The following SLC7A5 variants were observed in gnomAD, a reference collection of about 807,000 sequenced individuals.
SLC7A5 encodes the protein solute carrier family 7 member 5.
A neutral mutation model predicts 50.2 loss-of-function variants in SLC7A5; 23 were observed. The ratio of observed to expected loss-of-function variants is 0.46; its 90% confidence interval spans 0.33 to 0.65. The LOEUF is 0.65. Ranked by LOEUF, SLC7A5 falls within the 30% of genes least tolerant of loss-of-function variation. The pLI, the probability that SLC7A5 is intolerant of heterozygous loss-of-function variation, is 0.02. For missense variants in SLC7A5, 578 were observed against 684.4 expected (o/e 0.84, Z 1.73); for synonymous variants, 393 against 330.6 (o/e 1.19, Z -2.05).
chr16:87,858,607 C>T (rs1310850701), intron 1 of SLC7A5, among the ~76,000 whole-genome samples: 1 of 152,144 alleles, frequency 6.6e-6, no homozygotes, highest in Non-Finnish European at 1.5e-5. Flanking sequence ...GTGAAAGTCA[C>T]ACAGCAGTTC....
chr16:87,837,663 T>A (rs1187152444), intron 7 of SLC7A5, 182 bp downstream of exon 7: 1 of 589,630 alleles, frequency 1.7e-6, no homozygotes, highest in African/African-American at 1.9e-5. Context: ...ATATTATTTT[T>A]GGAATAAAAT....
chr16:87,869,320 A>C lies in SLC7A5; in HGVS notation c.103T>G (p.Ser35Ala). 1 of 1,610,572 alleles carries C rather than the reference A, an allele frequency of 6.2e-7. No individual in the cohort carries two copies. Among genetic ancestry groups the C allele is most frequent in the Non-Finnish European group, 8.5e-7 (1 of 1,179,438 alleles). The change falls in exon 1 of 10, where the codon TCG becomes GCG. Residue 35 changes from serine (S) to alanine (A), a missense_variant. Ser to Ala is a moderately conservative substitution (Grantham distance 99, BLOSUM62 1). This residue lies in a region of SLC7A5 where 113 missense variants were observed against 89.8 expected (regional missense o/e 1.26). Coordinates refer to ENST00000261622, the MANE Select transcript of SLC7A5 (RefSeq NM_003486.7). ...CCCTCGCCCTCGCCTGCCGGCGCCG[A>C]GCCGTCCGCGCTCTTGGCGGCCAGC... ...KMLAAKSADG[S>A]APAGEGEGVT...
intron 2 of SLC7A5, among the ~76,000 whole-genome samples, chr16:87,845,074 T>C (rs994272712): frequency 6.6e-6 from 1 of 152,098 alleles, no homozygotes; most frequent in Non-Finnish European, 1.5e-5. Flanking sequence ...GGTGGCACCT[T>C]GGGTCTGGAC....
In SLC7A5 at chr16:87,861,822, G is replaced by A. The variant is rs2055402302; in HGVS notation, c.538+7063C>T. ...CTCTCCTGTGTGGCTCAGGTCATGT[G>A]CTTCTGTGAGCTCCCCCTACGGCCT... On this transcript the variant is annotated intron_variant, in intron 1 of 9. Transcript: ENST00000261622. The surrounding 1 kb of genome is among the most constrained non-coding windows in gnomAD (Gnocchi z 4.2). Among the ~76,000 whole-genome samples the A allele has an allele frequency of 6.6e-6, 1 of 152,228 alleles. No homozygotes were observed. The highest frequency in any genetic ancestry group is 2.4e-5 in the African/African-American group (1 of 41,460).
chr16:87,846,871 C>G (rs1451647830), intron 2 of SLC7A5, among the ~76,000 whole-genome samples: 4 of 152,180 alleles, frequency 2.6e-5, no homozygotes, highest in Admixed American at 6.5e-5. Flanking sequence ...GCTCCCGTGC[C>G]GGGGACGCGG....
chr16:87,851,928 C>A, intron 1 of SLC7A5, 79 bp from the exon 2 acceptor site: 1 of 1,563,538 alleles, frequency 6.4e-7, no homozygotes, highest in South Asian at 1.1e-5. Flanking sequence ...GTGACGACCC[C>A]ACCCCCACCC....
At chr16:87,835,546 G>C (rs181861738) in intron 8 of SLC7A5, among the ~76,000 whole-genome samples, 175 of 152,322 alleles carry the variant, frequency 1.1e-3, no homozygotes, top group African/African-American at 3.9e-3. Context: ...CTGGAGTACA[G>C]TGGCGCGACC....
intron 7 of SLC7A5, among the ~76,000 whole-genome samples, chr16:87,837,059 G>A (rs1269503666): frequency 5.9e-5 from 9 of 152,350 alleles, no homozygotes; most frequent in African/African-American, 1.9e-4. Context: ...CGGCACAGCC[G>A]TGCTCCCGAG....
intron 2 of SLC7A5, among the ~76,000 whole-genome samples, chr16:87,845,882 G>A (rs527532375): frequency 2.6e-5 from 4 of 152,310 alleles, no homozygotes; most frequent in East Asian, 1.9e-4. Flanking sequence ...TGAAGGCCGC[G>A]GGAAAACAAG....
At chr16:87,855,008 C>A (rs1313948497) in intron 1 of SLC7A5, among the ~76,000 whole-genome samples, 2 of 152,254 alleles carry the variant, frequency 1.3e-5, no homozygotes, top group Non-Finnish European at 2.9e-5. Context: ...CAGCCCTGGC[C>A]ATACCCAGAG....
chr16:87,867,565 C>A (rs1434938003), intron 1 of SLC7A5, among the ~76,000 whole-genome samples: 1 of 152,068 alleles, frequency 6.6e-6, no homozygotes, highest in African/African-American at 2.4e-5. Context: ...CCTCCCCCTC[C>A]CCCCCAAAGT....
rs897800771 is a variant in SLC7A5, at chr16:87,841,351, G to C, written c.665-196C>G. Among the ~76,000 whole-genome samples, 5 of 152,184 alleles carry C rather than the reference G, an allele frequency of 3.3e-5. No homozygotes were observed. Among genetic ancestry groups the C allele is most frequent in the African/African-American group, 1.2e-4 (5 of 41,448 alleles). On this transcript the variant is annotated intron_variant, in intron 2 of 9. Coordinates refer to ENST00000261622, the MANE Select transcript of SLC7A5 (RefSeq NM_003486.7). The surrounding 1 kb of genome is among the most constrained non-coding windows in gnomAD (Gnocchi z 4.8). ...GTTCCAACCACAACCAGGGGGATGT[G>C]GCCCTGCCAGAGGCCCTGTGCCCAC...
At chr16:87,866,834 A>G (rs368002327) in intron 1 of SLC7A5, among the ~76,000 whole-genome samples, 60 of 152,266 alleles carry the variant, frequency 3.9e-4, no homozygotes, top group African/African-American at 1.4e-3. Flanking sequence ...AGAGAAAACT[A>G]GGCAGCGCCC....
rs181866294 is a variant in SLC7A5 at position 87,862,681 on chromosome 16, G to C, written c.538+6204C>G. Among the ~76,000 whole-genome samples the C allele has an allele frequency of 1.4e-3, 206 of 152,354 alleles. 5 individuals carry two copies. The highest frequency in any genetic ancestry group is 0.01 in the South Asian group (50 of 4,832). On this transcript the variant is annotated intron_variant, in intron 1 of 9. Coordinates refer to ENST00000261622, the MANE Select transcript of SLC7A5 (RefSeq NM_003486.7). This position sits in a 1 kb window ranked among gnomAD's most constrained non-coding sequence, Gnocchi z 5.3. ...GCACGTGGAGGGACGGTCACAGCCC[G>C]TGCAACTGGCACCTTCACACGCAGA...
chr16:87,833,042 C>G lies in SLC7A5; in HGVS notation c.1469-17G>C. 1.2e-6 allele frequency: 2 copies of G among 1,613,096 alleles called. No individual in the cohort carries two copies. Among genetic ancestry groups the G allele is most frequent in the Middle Eastern group, 1.7e-4 (1 of 6,060 alleles). On this transcript the variant is annotated splice_polypyrimidine_tract_variant and intron_variant, in intron 9 of 9. Coordinates refer to ENST00000261622, the MANE Select transcript of SLC7A5 (RefSeq NM_003486.7). The surrounding 1 kb of genome is among the most constrained non-coding windows in gnomAD (Gnocchi z 6.0). ...TCGTGGAGACTGTCAGGAGAGAAGA[C>G]AGCTGTGTTAGCCTGGGGGCTGGGT... is the stretch of plus-strand genomic sequence containing the variant.
intron 7 of SLC7A5, 27 bp from the exon 8 acceptor site, chr16:87,836,674 C>T (rs1160370203): frequency 6.2e-7 from 1 of 1,608,712 alleles, no homozygotes; most frequent in African/African-American, 1.3e-5. Context: ...GCTGGCTGAG[C>T]CCTGGGGCCC....
At chr16:87,840,348 A>G (rs1597496729) in intron 4 of SLC7A5, 81 bp downstream of exon 4, 1 of 1,280,840 alleles carries the variant, frequency 7.8e-7, no homozygotes, top group Non-Finnish European at 1.1e-6. Flanking sequence ...GCCGACCAAC[A>G]GGCTTCGAGT....
At chr16:87,838,968 TG>T (rs1345085591) in intron 5 of SLC7A5, 151 bp from the exon 6 acceptor site, 3 of 701,740 alleles carry the variant, frequency 4.3e-6, no homozygotes, top group Non-Finnish European at 7.8e-6. Flanking sequence ...TTCTGGCCTC[TG>T]GGGGGACTTC....
At chr16:87,867,534 A>G (rs1459481778) in intron 1 of SLC7A5, among the ~76,000 whole-genome samples, 6 of 151,994 alleles carry the variant, frequency 3.9e-5, no homozygotes, top group Admixed American at 3.9e-4. Flanking sequence ...GCATTCTCAC[A>G]TTTATGAAGA....
Sources: gnomAD v4.1 joint callset for allele counts (sites outside exome capture counted in the v4.1 genomes callset) on GRCh38, gnomAD v4.1.1 for gene constraint, gnomAD v4.1.1 regional missense constraint, Gnocchi (gnomAD v3.1) non-coding constraint, MANE v1.5 for transcripts, NCBI Gene and HGNC (gene_info 2026-07-23, HGNC 2026-07-21) for gene names.